Variants in PLCB2 observed in about 807,000 individuals in gnomAD.
PLCB2 encodes phospholipase C beta 2, also known as 1-phosphatidylinositol 4,5-bisphosphate phosphodiesterase beta-2.
Under a neutral mutation model 141.7 loss-of-function variants are expected in PLCB2, and 115 were observed. That is an observed-to-expected ratio of 0.81 (90% CI 0.70 to 0.95). The LOEUF (loss-of-function observed/expected upper bound fraction) is 0.95, where lower values mean the gene tolerates loss of function less well. Ranked by LOEUF, PLCB2 falls within the 40% of genes least tolerant of loss-of-function variation. PLCB2 has a pLI of 0.00. For synonymous variants in PLCB2, 603 were observed against 595.6 expected, an observed-to-expected ratio of 1.01 and a Z score of -0.18; for missense variants, 1,403 against 1,541.1, an observed-to-expected ratio of 0.91 and a Z score of 1.50.
chr15:40,293,440 G>A, intron 20 of PLCB2, 120 bp downstream of exon 20: 1 of 983,078 alleles, frequency 1.0e-6, no homozygotes, highest in South Asian at 1.6e-5. Flanking sequence ...GAGGGCCCAG[G>A]GTGAGGGATG....
At chr15:40,294,211 GC>G (rs1318141210) in intron 19 of PLCB2, 54 bp downstream of exon 19, 16 of 1,567,768 alleles carry the variant, frequency 1.0e-5, no homozygotes, top group African/African-American at 1.4e-5. Flanking sequence ...GGGCTCCTGT[GC>G]CCTTCTACTC....
At chr15:40,300,035 G>A (rs2040429604) in intron 7 of PLCB2, among the ~76,000 whole-genome samples, 1 of 152,344 alleles carries the variant, frequency 6.6e-6, no homozygotes, top group East Asian at 1.9e-4. Context: ...ACAAGTGTCA[G>A]CGGGATGTGA....
In PLCB2 at chr15:40,307,626, T is replaced by A; in HGVS notation, c.47A>T (p.Tyr16Phe). The A allele has an allele frequency of 6.3e-7, 1 of 1,589,556 alleles. No homozygotes were observed. The highest frequency in any genetic ancestry group is 8.6e-7 in the Non-Finnish European group (1 of 1,166,580). The change falls in exon 1 of 32, where the codon TAT becomes TTT. Residue 16 changes from tyrosine to phenylalanine, a missense_variant. By Grantham distance (22) the Tyr-to-Phe change is conservative. Coordinates refer to ENST00000260402, the MANE Select transcript of PLCB2 (RefSeq NM_004573.3). ...GATGAAGCGCTCCCCTTGGCTCAGA[T>A]AGGCCTTCACCTTGGGGGGCAGCAG... ...PVLLPPKVKA[Y>F]LSQGERFIKW... is the part of the protein sequence containing the mutation.
rs745714689 is a variant in PLCB2, at chr15:40,295,078, A to T, written c.1782-18T>A. ...TGTTGTAGCTGTCCCTGAGTTTAGG[A>T]CCCTAGCCAAGGCCATCTGCACCAG... On this transcript the variant is annotated intron_variant, in intron 17 of 31. Transcript: ENST00000260402. 112 of 1,610,090 alleles carry T rather than the reference A, an allele frequency of 7.0e-5. No homozygotes were observed. Among genetic ancestry groups the T allele is most frequent in the Non-Finnish European group, 8.7e-5 (102 of 1,177,380 alleles).
chr15:40,298,874 C>T lies in PLCB2; in HGVS notation c.774G>A (p.Leu258=). The T allele has an allele frequency of 6.2e-7, 1 of 1,612,922 alleles. No individual in the cohort carries two copies. The highest frequency in any genetic ancestry group is 8.5e-7 in the Non-Finnish European group (1 of 1,180,006). ...CCTGGTCAGGCCGTGCTGGCGGGAACAGCAGGGAGTTAAGCCGGGAGTCCC... is the reference window on the plus strand; with the variant it reads ...CCTGGTCAGGCCGTGCTGGCGGGAATAGCAGGGAGTTAAGCCGGGAGTCCC... ...KQRDSRLNSL[L]FPPARPDQVQ... The change falls in exon 9 of 32, where the codon CTG becomes CTA. Residue 258 remains leucine (L), a synonymous_variant. Transcript: ENST00000260402.
At chr15:40,291,211 T>C in intron 26 of PLCB2, 28 bp from the exon 27 acceptor site, 9 of 1,571,490 alleles carry the variant, frequency 5.7e-6, no homozygotes, top group Non-Finnish European at 7.7e-6. Context: ...GGACAGGCCC[T>C]GAGATCCTGC....
intron 30 of PLCB2, chr15:40,289,596 T>C: frequency 1.8e-6 from 1 of 565,256 alleles, no homozygotes. Context: ...CAGGACCCAG[T>C]AGGTGGCAGC....
Position 40,295,029 on chromosome 15 carries a change from G to A in PLCB2, c.1813C>T (p.Pro605Ser). 6.2e-7 allele frequency: 1 copy of A among 1,613,702 alleles called. No individual in the cohort carries two copies. The highest frequency in any genetic ancestry group is 8.5e-7 in the Non-Finnish European group (1 of 1,179,686). The change falls in exon 18 of 32, where the codon CCC (proline) becomes TCC (serine). Residue 605 changes from proline to serine, a missense_variant. This residue lies in a region of PLCB2 where 975 missense variants were observed against 1,141.1 expected (regional missense o/e 0.85). Transcript: ENST00000260402. ...YNKRQMSRIY[P>S]KGTRMDSSNY... ...GAGGAGTCCATGCGGGTTCCCTTGG[G>A]GTAAATGCGGCTCATCTGGCGCTTG... is the stretch of plus-strand genomic sequence containing the variant.
At chr15:40,291,973 C>G in intron 23 of PLCB2, 49 bp from the exon 24 acceptor site, 1 of 1,608,482 alleles carries the variant, frequency 6.2e-7, no homozygotes, top group Non-Finnish European at 8.5e-7. Context: ...CCCTCTCTCC[C>G]CGAGCCTGGG....
In PLCB2 at chr15:40,290,606, T is replaced by C. The variant is rs1433501881; in HGVS notation, c.3180A>G (p.Lys1060=). The C allele has an allele frequency of 6.2e-7, 1 of 1,614,034 alleles. No homozygotes were observed. The highest frequency in any genetic ancestry group is 2.2e-5 in the East Asian group (1 of 44,868). Residue 1060 remains lysine, a synonymous_variant, in exon 29 of 32, where the codon AAA becomes AAG. Coordinates refer to ENST00000260402, the MANE Select transcript of PLCB2 (RefSeq NM_004573.3). The part of the protein sequence containing the change: ...KRLERIQGMT[K]VTTDKMAQER... ...CCTGGGCCATCTTGTCTGTGGTGAC[T>C]TTGGTCATGCCCTGGATCCGCTCCA...
chr15:40,291,406 C>T lies in PLCB2; in HGVS notation c.2729G>A (p.Arg910Gln). 1 of 1,536,666 alleles carries T rather than the reference C, an allele frequency of 6.5e-7. No individual in the cohort carries two copies. Among genetic ancestry groups the T allele is most frequent in the Non-Finnish European group, 8.7e-7 (1 of 1,146,752 alleles). The change falls in exon 26 of 32, where the codon CGA (arginine) becomes CAA (glutamine). Residue 910 changes from arginine to glutamine, a missense_variant. Physicochemically the swap from Arg to Gln is conservative, Grantham distance 43. This residue lies in a region of PLCB2 where 290 missense variants were observed against 245.9 expected (regional missense o/e 1.18). Transcript: ENST00000260402. Reference sequence around the variant, plus strand: ...CCGCGCTCCGCGCCGCTCCAACTCTCGCAGCTCCTTCTCGTGCCGCCGCTG... The same window carrying T: ...CCGCGCTCCGCGCCGCTCCAACTCTTGCAGCTCCTTCTCGTGCCGCCGCTG... ...KLQRRHEKELRELERRGARRW... is the reference protein window; with the variant it reads ...KLQRRHEKELQELERRGARRW...
downstream of PLCB2, chr15:40,285,464 C>T (rs1221365583): frequency 2.3e-6 from 2 of 878,152 alleles, no homozygotes; most frequent in Middle Eastern, 5.8e-4. Flanking sequence ...GAAAGAGCTG[C>T]ATAGTTATTT....
chr15:40,291,891 G>A lies in PLCB2; in HGVS notation c.2560C>T (p.Gln854Ter). Residue 854 changes from glutamine to a stop codon, truncating the protein, a stop_gained, in exon 24 of 32, where the codon CAG becomes TAG. Transcript: ENST00000260402. LOFTEE classifies it high-confidence loss of function. ...GTTGGGGCCAACGCCCCATTGACCT[G>A]GCTGGCAACTGGACTCGCCAGTGGG... is the stretch of plus-strand genomic sequence containing the variant. ...PFPLASPVAS[Q>*]VNGALAPTSN... is the part of the protein sequence containing the mutation. 6.2e-7 allele frequency: 1 copy of A among 1,614,220 alleles called. No homozygotes were observed. The highest frequency in any genetic ancestry group is 8.5e-7 in the Non-Finnish European group (1 of 1,180,020).
chr15:40,295,778 A>G (rs1258203323), intron 16 of PLCB2, among the ~76,000 whole-genome samples: 2 of 152,130 alleles, frequency 1.3e-5, no homozygotes, highest in African/African-American at 2.4e-5. Flanking sequence ...GTGCTACAGA[A>G]GTCCAGCTGT....
Position 40,297,225 on chromosome 15 carries a change from G to C in PLCB2, c.1323+296C>G. ...AAGCCTTCCCTGATCCCCAAGACCA[G>C]ATCAGAACTCCCCAGGTGCTCCCAT... On this transcript the variant is annotated intron_variant, in intron 13 of 31. Transcript: ENST00000260402. The surrounding 1 kb of genome is among the most constrained non-coding windows in gnomAD (Gnocchi z 4.2). 6.6e-6 allele frequency among the ~76,000 whole-genome samples: 1 copy of C among 152,088 alleles called. No individual in the cohort carries two copies. The highest frequency in any genetic ancestry group is 1.9e-4 in the East Asian group (1 of 5,174).
At chr15:40,293,810 T>C in intron 19 of PLCB2, 86 bp from the exon 20 acceptor site, 1 of 1,377,654 alleles carries the variant, frequency 7.3e-7, no homozygotes, top group East Asian at 2.3e-5. Context: ...TGCCTAGAGC[T>C]GAAGCATTCG....
At chr15:40,300,498 A>T (rs961677747) in intron 7 of PLCB2, among the ~76,000 whole-genome samples, 20 of 152,216 alleles carry the variant, frequency 1.3e-4, no homozygotes, top group African/African-American at 4.8e-4. Context: ...CAAAAAGTAC[A>T]AAAAACCCAA....
intron 11 of PLCB2, 116 bp downstream of exon 11, chr15:40,298,107 C>T (rs1209384475): frequency 1.6e-6 from 2 of 1,262,510 alleles, no homozygotes; most frequent in African/African-American, 1.5e-5. Context: ...CCCCAATGGT[C>T]TGAGGCCTTC....
chr15:40,286,498 G>T (rs2058877425), downstream of PLCB2, among the ~76,000 whole-genome samples: 1 of 152,210 alleles, frequency 6.6e-6, no homozygotes, highest in Admixed American at 6.5e-5. Flanking sequence ...GGCGGGGTGA[G>T]TCAGCAGGGG....
Sources: gnomAD v4.1 joint callset for allele counts (sites outside exome capture counted in the v4.1 genomes callset) on GRCh38, gnomAD v4.1.1 for gene constraint, gnomAD v4.1.1 regional missense constraint, Gnocchi (gnomAD v3.1) non-coding constraint, MANE v1.5 for transcripts, NCBI Gene and HGNC (gene_info 2026-07-23, HGNC 2026-07-21) for gene names.